RSRP1: variants seen among roughly 807,000 people sequenced by gnomAD.
RSRP1 encodes arginine/serine-rich protein 1.
RSRP1 carries 37 observed loss-of-function variants against 33.0 expected under a neutral mutation model. The observed-to-expected ratio is 1.12, with a 90% CI of 0.86 to 1.48. RSRP1 has a LOEUF of 1.48. Among genes scored for constraint, RSRP1 ranks in the 40% most tolerant of loss-of-function variants. RSRP1 has a pLI of 0.00. For missense variants in RSRP1, 402 were observed against 385.3 expected (o/e 1.04, Z -0.36); for synonymous variants, 167 against 158.7 (o/e 1.05, Z -0.40).
At chr1:25,274,834 G>A (rs1211128320) in intron 1 of RSRP1, among the ~76,000 whole-genome samples, 8 of 120,960 alleles carry the variant, frequency 6.6e-5, no homozygotes, top group East Asian at 2.1e-4. Flanking sequence ...TGGCAAAACC[G>A]CATCTCTACT....
rs585353 is a variant in RSRP1 at position 25,279,003 on chromosome 1, G to C, written c.-66-31974C>G. On this transcript the variant is annotated intron_variant, in intron 1 of 1. Transcript: ENST00000561867. Reference sequence around the variant, plus strand: ...TGAAGCTGGGTGTGACTTCAGAGCTGTTGGTGCTGAAGTTTCTGCAGGCCA... The same window carrying C: ...TGAAGCTGGGTGTGACTTCAGAGCTCTTGGTGCTGAAGTTTCTGCAGGCCA... Among the ~76,000 whole-genome samples, 51 of 129,746 alleles carry C rather than the reference G, an allele frequency of 3.9e-4. 5 individuals carry two copies. The highest frequency in any genetic ancestry group is 1.4e-3 in the Admixed American group (19 of 13,392). 85.1% of individuals were successfully genotyped at this position (129,746 alleles called of 152,430 possible). A position where few individuals can be genotyped will look rare whatever the true frequency, so the allele number is the denominator to read the frequency against.
chr1:25,286,646 C>T (rs1473327731), intron 1 of RSRP1, among the ~76,000 whole-genome samples: 5 of 133,916 alleles, frequency 3.7e-5, no homozygotes, highest in East Asian at 1.9e-4. Flanking sequence ...ATTAGCCGGG[C>T]GTGGTGGTGG....
chr1:25,307,978 G>A (rs1203852775), intron 1 of RSRP1, among the ~76,000 whole-genome samples: 1 of 127,188 alleles, frequency 7.9e-6, no homozygotes, highest in East Asian at 2.0e-4. Flanking sequence ...TGAAAGATGA[G>A]GACTTGACCT....
intron 1 of RSRP1, among the ~76,000 whole-genome samples, chr1:25,258,377 A>T (rs1004483059): frequency 2.0e-5 from 3 of 151,950 alleles, no homozygotes; most frequent in African/African-American, 7.3e-5. Flanking sequence ...ATTGGGTTTC[A>T]TCATGTTGGC....
chr1:25,316,543 C>T (rs1209960814), intron 1 of RSRP1, among the ~76,000 whole-genome samples: 1 of 98,190 alleles, frequency 1.0e-5, no homozygotes, highest in African/African-American at 3.3e-5. Flanking sequence ...ACCTGGGGGA[C>T]AGAGGTTGCA....
rs1639830114 is a variant in RSRP1 at position 25,252,763 on chromosome 1, G to C, written c.-66-5734C>G. On this transcript the variant is annotated intron_variant, in intron 1 of 1. Coordinates refer to the RSRP1 transcript ENST00000561867. ...TTGGCCAGGCTGGTCTCGAACCTCT[G>C]ACCTCAGGTGATCCGCCCACCTTGG... 1.3e-5 allele frequency among the ~76,000 whole-genome samples: 2 copies of C among 152,022 alleles called. 1 individual carries two copies. Among genetic ancestry groups the C allele is most frequent in the South Asian group, 4.1e-4 (2 of 4,830 alleles).
At chr1:25,244,130 AATTTGCTAATGC>A in intron 3 of RSRP1, 7 of 1,284,688 alleles carry the variant, frequency 5.4e-6, no homozygotes, top group Non-Finnish European at 7.1e-6. Flanking sequence ...AGTACAGTGC[AATTTGCTAATGC>A]ACATCCTGCA....
intron 1 of RSRP1, among the ~76,000 whole-genome samples, chr1:25,311,500 G>A (rs1254998903): frequency 1.5e-5 from 2 of 129,862 alleles, no homozygotes; most frequent in Admixed American, 7.5e-5. Flanking sequence ...ACTCCAGCCT[G>A]GGCGACAGAG....
intron 1 of RSRP1, among the ~76,000 whole-genome samples, chr1:25,278,870 T>C (rs1641236341): frequency 7.8e-6 from 1 of 128,288 alleles, no homozygotes; most frequent in East Asian, 2.0e-4. Context: ...GAGTCGCCGG[T>C]AGAGTAGAGG....
chr1:25,252,759 C>T (rs1356738306), intron 1 of RSRP1, among the ~76,000 whole-genome samples: 2 of 148,360 alleles, frequency 1.3e-5, no homozygotes, highest in Non-Finnish European at 3.0e-5. Context: ...GGTCTCGAAC[C>T]TCTGACCTCA....
At chr1:25,296,243 CT>C (rs894411494) in intron 1 of RSRP1, among the ~76,000 whole-genome samples, 6,423 of 114,654 alleles carry the variant, frequency 0.056, 182 homozygotes, top group African/African-American at 0.17. Context: ...GTGTACATTT[CT>C]TTTTTTTTTT....
At chr1:25,295,753 A>G (rs143670081) in intron 1 of RSRP1, among the ~76,000 whole-genome samples, 5,509 of 98,750 alleles carry the variant, frequency 0.056, 1,552 homozygotes, top group African/African-American at 0.086. Context: ...GGCTGAGACC[A>G]CAGCAAGAAA....
chr1:25,261,693 C>T (rs574112753), intron 1 of RSRP1, among the ~76,000 whole-genome samples: 31 of 145,370 alleles, frequency 2.1e-4, no homozygotes, highest in South Asian at 1.3e-3. Context: ...CATGAGCCAC[C>T]GCGCCCAGCA....
intron 1 of RSRP1, 116 bp from the exon 2 acceptor site, chr1:25,247,145 C>T (rs1639521056): frequency 1.5e-6 from 1 of 647,120 alleles, no homozygotes; most frequent in Admixed American, 3.5e-5. Flanking sequence ...CGGCGACCGC[C>T]GCGACAGGAA....
chr1:25,245,267 A>G lies in RSRP1; in HGVS notation c.555T>C (p.Asn185=). ...TGGTTGTTCCTAGAGCTTTCGCTGC[A>G]TTGGTTTTTGCTATTTCTAACAGCT... ...RMELLEIAKT[N]AAKALGTTNI... is the part of the protein sequence containing the mutation. Residue 185 remains asparagine (N), a synonymous_variant, in exon 3 of 5, where the codon AAT becomes AAC. Transcript: ENST00000243189. 1 of 1,613,950 alleles carries G rather than the reference A, an allele frequency of 6.2e-7. No individual in the cohort carries two copies.
In RSRP1 at chr1:25,290,034, G is replaced by A. The variant is rs550908044; in HGVS notation, c.-66-43005C>T. Among the ~76,000 whole-genome samples the A allele has an allele frequency of 1.3e-3, 162 of 125,484 alleles. 20 individuals carry two copies. Among genetic ancestry groups the A allele is most frequent in the African/African-American group, 4.1e-3 (148 of 36,252 alleles). 82.3% of individuals were successfully genotyped at this position (125,484 alleles called of 152,430 possible). A position where few individuals can be genotyped will look rare whatever the true frequency, so the allele number is the denominator to read the frequency against. On this transcript the variant is annotated intron_variant, in intron 1 of 1. Transcript: ENST00000561867. ...TCCCCAGGACACCAACATGGGATACGTTTGATCATCATTCTTAATTTGCAG... is the reference window on the plus strand; with the variant it reads ...TCCCCAGGACACCAACATGGGATACATTTGATCATCATTCTTAATTTGCAG...
At chr1:25,252,578 G>A (rs1024026471) in intron 1 of RSRP1, among the ~76,000 whole-genome samples, 2 of 149,770 alleles carry the variant, frequency 1.3e-5, no homozygotes, top group Non-Finnish European at 3.0e-5. Flanking sequence ...TTGTTGCCCA[G>A]GCTGGAGTGC....
intron 1 of RSRP1, among the ~76,000 whole-genome samples, chr1:25,312,952 A>AAAAAAAAAAAAAAAAAATC (rs1644242426): frequency 9.0e-6 from 1 of 110,976 alleles, no homozygotes; most frequent in South Asian, 2.9e-4. Flanking sequence ...AAAAAAAAAA[A>AAAAAAAAAAAAAAAAAATC]AAACTTTAGT....
At chr1:25,303,796 C>G (rs1003825066) in intron 1 of RSRP1, among the ~76,000 whole-genome samples, 1 of 130,980 alleles carries the variant, frequency 7.6e-6, no homozygotes, top group African/African-American at 2.6e-5. Flanking sequence ...TCCTGAATAT[C>G]TGCTTTATTC....
Sources: gnomAD v4.1 joint callset for allele counts (sites outside exome capture counted in the v4.1 genomes callset) on GRCh38, gnomAD v4.1.1 for gene constraint, MANE v1.5 for transcripts, NCBI Gene and HGNC (gene_info 2026-07-23, HGNC 2026-07-21) for gene names.